Variants in NRL observed in about 807,000 individuals in gnomAD.
NRL encodes the protein neural retina leucine zipper.
NRL carries 16 observed loss-of-function variants against 12.5 expected under a neutral mutation model. The observed-to-expected ratio is 1.28, with a 90% CI of 0.87 to 1.95. The LOEUF (loss-of-function observed/expected upper bound fraction) is 1.95, where lower values mean the gene tolerates loss of function less well. Among genes scored for constraint, NRL ranks in the 30% most tolerant of loss-of-function variants. NRL has a pLI of 0.00. For missense variants in NRL, 314 were observed against 325.8 expected (o/e 0.96, Z 0.28); for synonymous variants, 142 against 150.9 (o/e 0.94, Z 0.43).
At chr14:24,102,537 C>T (rs1693173674) in intron 1 of NRL, 1 of 531,010 alleles carries the variant, frequency 1.9e-6, no homozygotes, top group African/African-American at 1.9e-5. Flanking sequence ...CCACTCTTTT[C>T]TCACATAGCT....
At chr14:24,106,557 C>A (rs896541250) in intron 1 of NRL, among the ~76,000 whole-genome samples, 5 of 151,898 alleles carry the variant, frequency 3.3e-5, no homozygotes, top group South Asian at 2.1e-4. Context: ...CCCATCTCTA[C>A]TAAAAATACA....
intron 1 of NRL, among the ~76,000 whole-genome samples, chr14:24,084,348 G>A (rs970296137): frequency 1.2e-4 from 18 of 152,240 alleles, no homozygotes; most frequent in African/African-American, 4.3e-4. Context: ...AGTGGGGAAG[G>A]TTGTTTATCT....
chr14:24,080,190 AAGCTGCACTCTCTC>A lies in NRL; in HGVS notation c.*1032_*1045del, dbSNP rs1285560125. On this transcript the variant is annotated 3_prime_UTR_variant, in exon 3 of 3. Coordinates refer to ENST00000561028, the MANE Select transcript of NRL (RefSeq NM_001354768.3). ...CCTGGACTTCAAGTTTAATTCACAA[AAGCTGCACTCTCTC>A]AGCAAATTGTCATCCCAGGAGAAGT... 1 of 152,174 alleles carries A rather than the reference AAGCTGCACTCTCTC, an allele frequency of 6.6e-6. No homozygotes were observed. Among genetic ancestry groups the A allele is most frequent in the African/African-American group, 2.4e-5 (1 of 41,438 alleles). The allele number at this position is 152,174 out of a possible 1,614,324, so 9.4% of individuals were successfully genotyped here.
intron 1 of NRL, chr14:24,096,778 C>A: frequency 1.2e-6 from 1 of 861,958 alleles, no homozygotes; most frequent in Non-Finnish European, 1.9e-6. Flanking sequence ...CTTCATGGTC[C>A]CTGCATGCAG....
chr14:24,089,845 C>T (rs765026446), intron 1 of NRL, among the ~76,000 whole-genome samples: 9 of 152,116 alleles, frequency 5.9e-5, no homozygotes, highest in East Asian at 1.9e-4. Flanking sequence ...GAATTCCAGG[C>T]GGCAGAAACA....
intron 1 of NRL, among the ~76,000 whole-genome samples, chr14:24,104,602 G>A (rs2138984164): frequency 6.8e-6 from 1 of 147,112 alleles, no homozygotes; most frequent in East Asian, 2.0e-4. Context: ...TCGTGCCACT[G>A]CACACTCCAG....
intron 1 of NRL, chr14:24,103,826 G>A (rs746162974): frequency 5.0e-6 from 8 of 1,614,016 alleles, no homozygotes; most frequent in Non-Finnish European, 6.8e-6. Context: ...CCACTCAGCT[G>A]TTCTCCCTCC....
At chr14:24,096,008 C>T (rs1180406538) in intron 1 of NRL, among the ~76,000 whole-genome samples, 2 of 152,192 alleles carry the variant, frequency 1.3e-5, no homozygotes, top group African/African-American at 4.8e-5. Context: ...CATCTAGAAA[C>T]CTGGCACTGG....
chr14:24,113,785 G>A (rs1468495785), intron 1 of NRL, among the ~76,000 whole-genome samples: 2 of 152,236 alleles, frequency 1.3e-5, no homozygotes, highest in Non-Finnish European at 2.9e-5. Flanking sequence ...CACTGGGAGA[G>A]GCCCCAGGAG....
Position 24,081,930 on chromosome 14 carries a change from A to C in NRL, c.382-362T>G. 1.0e-5 allele frequency: 13 copies of C among 1,248,876 alleles called. No individual in the cohort carries two copies. Among genetic ancestry groups the C allele is most frequent in the Non-Finnish European group, 1.1e-5 (11 of 984,124 alleles). The allele number at this position is 1,248,876 out of a possible 1,614,324, so 77.4% of individuals were successfully genotyped here. On this transcript the variant is annotated intron_variant, in intron 2 of 2. Coordinates refer to ENST00000561028, the MANE Select transcript of NRL (RefSeq NM_001354768.3). This position sits in a 1 kb window ranked among gnomAD's most constrained non-coding sequence, Gnocchi z 4.4. ...CACCCAGACAGCCCCCAACCCTCCA[A>C]CGCGCTGCGTTTCCCTGTCCTGAAG...
chr14:24,096,952 G>A (rs1442237851), intron 1 of NRL: 1 of 1,613,578 alleles, frequency 6.2e-7, no homozygotes, highest in East Asian at 2.2e-5. Context: ...TCCAGACCCT[G>A]CGAGTGCTTA....
At chr14:24,096,727 ATGTGT>A (rs2036901352) in intron 1 of NRL, among the ~76,000 whole-genome samples, 4 of 152,138 alleles carry the variant, frequency 2.6e-5, no homozygotes, top group African/African-American at 9.7e-5. Context: ...TACAAGATAC[ATGTGT>A]CCTGAACACA....
At chr14:24,095,952 C>A (rs1328234639) in intron 1 of NRL, among the ~76,000 whole-genome samples, 1 of 152,170 alleles carries the variant, frequency 6.6e-6, no homozygotes, top group African/African-American at 2.4e-5. Flanking sequence ...CAGATCAGGG[C>A]CTGGAAGCCC....
At chr14:24,098,444 C>G in intron 1 of NRL, 2 of 1,613,590 alleles carry the variant, frequency 1.2e-6, no homozygotes, top group Non-Finnish European at 1.7e-6. Flanking sequence ...AGGTTTGGAA[C>G]CCTTCATCCA....
At chr14:24,108,732 A>G (rs935544384) in intron 1 of NRL, among the ~76,000 whole-genome samples, 2 of 152,190 alleles carry the variant, frequency 1.3e-5, no homozygotes, top group African/African-American at 4.8e-5. Context: ...AGAACATCCC[A>G]TAGTTACTTA....
chr14:24,081,349 G>A lies in NRL; in HGVS notation c.601C>T (p.Leu201=). ...GCCAGGCGGGCCACCTCGGCCCGCAGCGCGTCCAGCTGGGCGGCCAGGCGG... is the reference window on the plus strand; with the variant it reads ...GCCAGGCGGGCCACCTCGGCCCGCAACGCGTCCAGCTGGGCGGCCAGGCGG... The part of the protein sequence containing the change: ...RARLAAQLDA[L]RAEVARLARE... Residue 201 remains leucine (L), a synonymous_variant, in exon 3 of 3, where the codon CTG becomes TTG. Coordinates refer to ENST00000561028, the MANE Select transcript of NRL (RefSeq NM_001354768.3). The surrounding 1 kb of genome is among the most constrained non-coding windows in gnomAD (Gnocchi z 4.4). 1.4e-6 allele frequency: 2 copies of A among 1,463,902 alleles called. No homozygotes were observed. The highest frequency in any genetic ancestry group is 1.8e-6 in the Non-Finnish European group (2 of 1,106,256). The allele number at this position is 1,463,902 out of a possible 1,614,324, so 90.7% of individuals were successfully genotyped here.
Position 24,080,055 on chromosome 14 carries a change from T to C in NRL, c.*1181A>G, listed in dbSNP as rs898216829. 3 of 152,148 alleles carry C rather than the reference T, an allele frequency of 2.0e-5. No individual in the cohort carries two copies. The highest frequency in any genetic ancestry group is 4.8e-5 in the African/African-American group (2 of 41,392). 9.4% of individuals were successfully genotyped at this position (152,148 alleles called of 1,614,324 possible). On this transcript the variant is annotated 3_prime_UTR_variant, in exon 3 of 3. Coordinates refer to ENST00000561028, the MANE Select transcript of NRL (RefSeq NM_001354768.3). Reference sequence around the variant, plus strand: ...TTTTCTTGCTCTCTCTCTCTCTCCCTCTCTCTCCCTCTCCCACACACAGAC... The same window carrying C: ...TTTTCTTGCTCTCTCTCTCTCTCCCCCTCTCTCCCTCTCCCACACACAGAC...
chr14:24,084,983 C>G (rs905967769), intron 1 of NRL, among the ~76,000 whole-genome samples: 1 of 152,164 alleles, frequency 6.6e-6, no homozygotes, highest in African/African-American at 2.4e-5. Context: ...ACTCCCAGCA[C>G]CCCCACCTTC....
chr14:24,088,286 G>A (rs1028259862), intron 1 of NRL, among the ~76,000 whole-genome samples: 9 of 152,338 alleles, frequency 5.9e-5, no homozygotes, highest in South Asian at 4.1e-4. Flanking sequence ...GCCCTCCCAC[G>A]GCTGGGCCAC....
Sources: gnomAD v4.1 joint callset for allele counts (sites outside exome capture counted in the v4.1 genomes callset) on GRCh38, gnomAD v4.1.1 for gene constraint, Gnocchi (gnomAD v3.1) non-coding constraint, MANE v1.5 for transcripts, NCBI Gene and HGNC (gene_info 2026-07-23, HGNC 2026-07-21) for gene names.